The following RASSF3 variants were observed in gnomAD, a reference collection of about 807,000 sequenced individuals.
RASSF3 encodes ras association domain-containing protein 3.
Under a neutral mutation model 19.9 loss-of-function variants are expected in RASSF3, and 19 were observed. The observed-to-expected ratio is 0.96, with a 90% confidence interval of 0.67 to 1.40. The LOEUF is 1.40. Ranked by LOEUF, RASSF3 falls within the 40% of genes most tolerant of loss-of-function variation. The pLI, the probability that RASSF3 is intolerant of heterozygous loss-of-function variation, is 0.00. For synonymous variants in RASSF3, 110 were observed against 104.2 expected, an observed-to-expected ratio of 1.06 and a Z score of -0.34; for missense variants, 306 against 289.8, an observed-to-expected ratio of 1.06 and a Z score of -0.41.
intron 2 of RASSF3, among the ~76,000 whole-genome samples, chr12:64,590,793 C>T (rs960028385): frequency 6.6e-6 from 1 of 152,176 alleles, no homozygotes; most frequent in Admixed American, 6.6e-5. Context: ...ATGGACCCAT[C>T]ACTTAACTTC....
chr12:64,660,533 A>C (rs897317691), intron 1 of RASSF3, among the ~76,000 whole-genome samples: 4 of 152,200 alleles, frequency 2.6e-5, no homozygotes, highest in Admixed American at 2.0e-4. Flanking sequence ...CATAAGGAAG[A>C]TTAATACTTT....
intron 1 of RASSF3, among the ~76,000 whole-genome samples, chr12:64,616,335 G>A (rs1870549974): frequency 6.6e-6 from 1 of 152,106 alleles, no homozygotes; most frequent in African/African-American, 2.4e-5. Context: ...CAATAATGTG[G>A]TTATTCTTTT....
At chr12:64,555,884 T>TA (rs972009038) in intron 2 of RASSF3, among the ~76,000 whole-genome samples, 2 of 151,482 alleles carry the variant, frequency 1.3e-5, no homozygotes, top group East Asian at 1.9e-4. Flanking sequence ...AGAGATCTAT[T>TA]AAAAAAAAGA....
upstream of RASSF3, among the ~76,000 whole-genome samples, chr12:64,529,530 G>A (rs559105785): frequency 1.3e-5 from 2 of 152,286 alleles, no homozygotes; most frequent in East Asian, 3.9e-4. Flanking sequence ...GAGCTGCTGA[G>A]AGCCATCCTG....
At chr12:64,621,199 G>A (rs1870748174) in intron 1 of RASSF3, among the ~76,000 whole-genome samples, 1 of 152,198 alleles carries the variant, frequency 6.6e-6, no homozygotes, top group Admixed American at 6.5e-5. Flanking sequence ...GCCTCCCAAA[G>A]TGCTGAGATT....
At chr12:64,694,331 G>C (rs1868324930) in intron 4 of RASSF3, among the ~76,000 whole-genome samples, 1 of 152,162 alleles carries the variant, frequency 6.6e-6, no homozygotes, top group Admixed American at 6.6e-5. Context: ...CCGTACCGAG[G>C]GAGAAAAGGC....
At chr12:64,547,290 A>G (rs1869081486) in intron 2 of RASSF3, among the ~76,000 whole-genome samples, 3 of 148,702 alleles carry the variant, frequency 2.0e-5, no homozygotes, top group East Asian at 2.0e-4. Context: ...AAAAAAAGCC[A>G]GGCACGGTGA....
chr12:64,526,676 T>C (rs973497413), intron 1 of RASSF3, among the ~76,000 whole-genome samples: 1 of 152,166 alleles, frequency 6.6e-6, no homozygotes, highest in Admixed American at 6.5e-5. Context: ...ACTGAGTAAC[T>C]GGGACTATAG....
At chr12:64,566,870 GTGT>G (rs1353459941) in intron 2 of RASSF3, among the ~76,000 whole-genome samples, 1 of 152,204 alleles carries the variant, frequency 6.6e-6, no homozygotes, top group Non-Finnish European at 1.5e-5. Flanking sequence ...CTCTGAGGTG[GTGT>G]TTTTGTTGTT....
Position 64,631,536 on chromosome 12 carries a change from AATGTATGTATGTATGTATGT to A in RASSF3, c.111+20826_111+20845del, listed in dbSNP as rs10532504. ...TGGTAAGGGTGTTGTCATCGTATGTAATGTATGTATGTATGTATGTATGTATGTATGTATGTATGTATGTA... is the reference window on the plus strand; with the variant it reads ...TGGTAAGGGTGTTGTCATCGTATGTAATGTATGTATGTATGTATGTATGTA... On this transcript the variant is annotated intron_variant, in intron 1 of 4. Transcript: ENST00000542104. 3.7e-4 allele frequency among the ~76,000 whole-genome samples: 54 copies of A among 146,452 alleles called. 1 individual carries two copies. The highest frequency in any genetic ancestry group is 9.6e-4 in the Admixed American group (14 of 14,518).
At position 64,696,640 on chromosome 12, in the gene RASSF3, T is replaced by TA. The variant is rs1173814634; in HGVS notation, c.*1728_*1729insA. On this transcript the variant is annotated 3_prime_UTR_variant, in exon 5 of 5. Coordinates refer to ENST00000542104, the MANE Select transcript of RASSF3 (RefSeq NM_178169.4). ...TTTCTGTTCGTCTCTTGGTGGCTCT[T>TA]CTGACTTTTTGGAGAATACCCATCT... The TA allele has an allele frequency of 6.6e-6, 1 of 152,244 alleles. No individual in the cohort carries two copies. Among genetic ancestry groups the TA allele is most frequent in the Non-Finnish European group, 1.5e-5 (1 of 68,044 alleles). The allele number at this position is 152,244 out of a possible 1,614,324, so 9.4% of individuals were successfully genotyped here. A position where few individuals can be genotyped will look rare whatever the true frequency, so the allele number is the denominator to read the frequency against.
intron 1 of RASSF3, among the ~76,000 whole-genome samples, chr12:64,516,638 C>T (rs1269219641): frequency 7.1e-6 from 1 of 141,408 alleles, no homozygotes; most frequent in Non-Finnish European, 1.5e-5. Context: ...AAAAAAGATA[C>T]CACTGGCATT....
At chr12:64,685,929 G>T (rs1250521878) in intron 2 of RASSF3, among the ~76,000 whole-genome samples, 1 of 152,200 alleles carries the variant, frequency 6.6e-6, no homozygotes, top group Non-Finnish European at 1.5e-5. Context: ...CCGTCTCTCA[G>T]TCTGTTTACT....
intron 2 of RASSF3, among the ~76,000 whole-genome samples, chr12:64,591,904 C>A (rs952538681): frequency 1.3e-5 from 2 of 148,492 alleles, no homozygotes; most frequent in African/African-American, 5.2e-5. Flanking sequence ...CCTTCGGTTG[C>A]TGTTTTTTTT....
At chr12:64,571,578 T>G (rs1463749761) in intron 2 of RASSF3, among the ~76,000 whole-genome samples, 1 of 152,200 alleles carries the variant, frequency 6.6e-6, no homozygotes, top group East Asian at 1.9e-4. Context: ...GTACTTTTTT[T>G]TCTTTAAGAC....
chr12:64,548,742 C>T, intron 2 of RASSF3, among the ~76,000 whole-genome samples: 1 of 152,116 alleles, frequency 6.6e-6, no homozygotes, highest in Non-Finnish European at 1.5e-5. Context: ...TCCATAGTCT[C>T]CTGAGTAATG....
intron 1 of RASSF3, among the ~76,000 whole-genome samples, chr12:64,537,080 C>A (rs1442012316): frequency 2.0e-5 from 3 of 152,172 alleles, no homozygotes; most frequent in African/African-American, 7.2e-5. Flanking sequence ...TTTCTTGAAG[C>A]CTTCTTGGAT....
chr12:64,605,088 T>A (rs1394049754), intron 2 of RASSF3, among the ~76,000 whole-genome samples: 1 of 151,938 alleles, frequency 6.6e-6, no homozygotes, highest in African/African-American at 2.4e-5. Flanking sequence ...CTGGTTCAAG[T>A]GATTCTTCTG....
At chr12:64,676,197 A>C (rs1170563107) in intron 1 of RASSF3, among the ~76,000 whole-genome samples, 6 of 99,272 alleles carry the variant, frequency 6.0e-5, no homozygotes, top group African/African-American at 3.8e-5. Flanking sequence ...TTTGAGACGG[A>C]GTTTCGCTCT....
Sources: allele counts gnomAD v4.1 joint callset (sites outside exome capture counted in the v4.1 genomes callset), GRCh38; gene constraint gnomAD v4.1.1; transcripts MANE v1.5; gene names NCBI Gene and HGNC (gene_info 2026-07-23, HGNC 2026-07-21).